The following COL10A1 variants were observed in gnomAD, a reference collection of about 807,000 sequenced individuals.
The protein encoded by COL10A1 is collagen alpha-1(X) chain.
A neutral mutation model predicts 18.2 loss-of-function variants in COL10A1; 10 were observed. That is an observed-to-expected ratio of 0.55 (90% confidence interval 0.34 to 0.93). The LOEUF (loss-of-function observed/expected upper bound fraction) is 0.93, where lower values mean the gene tolerates loss of function less well. Ranked by LOEUF, COL10A1 falls within the 40% of genes least tolerant of loss-of-function variation. The probability of loss-of-function intolerance (pLI) is 0.02; values close to 1 mark genes in which losing one functional copy is unlikely to be tolerated. For missense variants in COL10A1, 897 were observed against 853.5 expected, an observed-to-expected ratio of 1.05 and a Z score of -0.64; for synonymous variants, 330 against 316.6, an observed-to-expected ratio of 1.04 and a Z score of -0.45.
At chr6:116,133,556 A>T (rs1779519083) in intron 1 of COL10A1, among the ~76,000 whole-genome samples, 2 of 152,186 alleles carry the variant, frequency 1.3e-5, no homozygotes, top group Non-Finnish European at 2.9e-5. Context: ...GTGGCAACAC[A>T]GACCACCAAG....
intron 1 of COL10A1, chr6:116,145,419 G>T: frequency 5.7e-6 from 2 of 353,318 alleles, no homozygotes. Flanking sequence ...AACTTTTTCT[G>T]TTCTTTATTA....
In COL10A1 at chr6:116,121,347, C is replaced by G; in HGVS notation, c.769G>C (p.Glu257Gln). ...TTTCCAATGCCTTCTGGCCCTCGTT[C>G]CCCAGGAGGGCCTTGGGGACCTGGT... Reference protein sequence around the residue: ...GPPGPQGPPGERGPEGIGKPG... With the variant: ...GPPGPQGPPGQRGPEGIGKPG... The change falls in exon 3 of 3, where the codon GAA becomes CAA. Residue 257 changes from glutamate to glutamine, a missense_variant. Glu to Gln is a conservative substitution (Grantham distance 29). Transcript: ENST00000651968. 2.5e-6 allele frequency: 4 copies of G among 1,614,000 alleles called. No homozygotes were observed. Among genetic ancestry groups the G allele is most frequent in the Non-Finnish European group, 3.4e-6 (4 of 1,179,972 alleles).
chr6:116,206,283 T>G, the COL10A1 span, among the ~76,000 whole-genome samples: 2 of 151,962 alleles, frequency 1.3e-5, no homozygotes, highest in Non-Finnish European at 2.9e-5. Context: ...AACACAAAAT[T>G]TTTACTATGT....
At chr6:116,213,209 G>T in the COL10A1 span, among the ~76,000 whole-genome samples, 1 of 152,096 alleles carries the variant, frequency 6.6e-6, no homozygotes, top group Non-Finnish European at 1.5e-5. Flanking sequence ...GTTGCAGTCA[G>T]ATGTCAGTGG....
chr6:116,187,024 C>T, the COL10A1 span, among the ~76,000 whole-genome samples: 1 of 151,978 alleles, frequency 6.6e-6, no homozygotes, highest in Non-Finnish European at 1.5e-5. Flanking sequence ...GACTCAAGGG[C>T]TACCGTTCAG....
chr6:116,134,306 T>G (rs1396092172), intron 1 of COL10A1, among the ~76,000 whole-genome samples: 1 of 152,052 alleles, frequency 6.6e-6, no homozygotes, highest in Non-Finnish European at 1.5e-5. Flanking sequence ...TGTAGACTCA[T>G]GGAGATAAAC....
chr6:116,153,601 A>G (rs1454207837), intron 1 of COL10A1, among the ~76,000 whole-genome samples: 1 of 152,088 alleles, frequency 6.6e-6, no homozygotes, highest in Non-Finnish European at 1.5e-5. Context: ...GAATATAGTT[A>G]CCTCTATTAG....
intron 1 of COL10A1, among the ~76,000 whole-genome samples, chr6:116,155,609 A>G (rs144299782): frequency 6.6e-6 from 1 of 152,298 alleles, no homozygotes; most frequent in Non-Finnish European, 1.5e-5. Flanking sequence ...CTGCAGGTCA[A>G]TGAAATTACA....
At chr6:116,145,303 A>T (rs187017729) in intron 1 of COL10A1, 2 of 208,222 alleles carry the variant, frequency 9.6e-6, no homozygotes, top group African/African-American at 4.6e-5. Flanking sequence ...CCCTTATCAT[A>T]CGTTTTGTCA....
chr6:116,195,894 A>G, the COL10A1 span, among the ~76,000 whole-genome samples: 3,374 of 152,116 alleles, frequency 0.022, 133 homozygotes, highest in African/African-American at 0.078. Flanking sequence ...TTTAAGCCAC[A>G]AGTTGGAAAG....
chr6:116,119,976 C>G lies in COL10A1; in HGVS notation c.*97G>C. The G allele has an allele frequency of 9.1e-7, 1 of 1,103,032 alleles. No individual in the cohort carries two copies. Among genetic ancestry groups the G allele is most frequent in the Non-Finnish European group, 1.4e-6 (1 of 726,402 alleles). The allele number at this position is 1,103,032 out of a possible 1,614,324, so 68.3% of individuals were successfully genotyped here. A position where few individuals can be genotyped will look rare whatever the true frequency, so the allele number is the denominator to read the frequency against. ...TCTGTATTTCAGAAAATAAAAATTA[C>G]ATTCTTTTCAGCCTACCTCCATATG... On this transcript the variant is annotated 3_prime_UTR_variant, in exon 3 of 3. Coordinates refer to ENST00000651968, the MANE Select transcript of COL10A1 (RefSeq NM_000493.4).
rs751959880 is a variant in COL10A1, at chr6:116,120,197, G to A, written c.1919C>T (p.Ala640Val). 6.2e-7 allele frequency: 1 copy of A among 1,614,088 alleles called. No individual in the cohort carries two copies. The highest frequency in any genetic ancestry group is 1.1e-5 in the South Asian group (1 of 91,068). ...KGYLDQASGS[A>V]IIDLTENDQV... ...GTCATTTTCTGTGAGATCGATGATG[G>A]CACTCCCTGAAGCCTGATCCAGGTA... Residue 640 changes from alanine to valine, a missense_variant, in exon 3 of 3, where the codon GCC (alanine) becomes GTC (valine). Ala to Val is a moderately conservative substitution (Grantham distance 64). Transcript: ENST00000651968.
intron 1 of COL10A1, 26 bp from the exon 2 acceptor site, chr6:116,125,533 A>G (rs1325604296): frequency 1.1e-5 from 17 of 1,601,436 alleles, no homozygotes; most frequent in Non-Finnish European, 1.5e-5. Flanking sequence ...GAATAACTTT[A>G]TACAGCATTG....
intron 1 of COL10A1, among the ~76,000 whole-genome samples, chr6:116,155,829 T>C (rs1209641554): frequency 6.6e-6 from 1 of 151,942 alleles, no homozygotes; most frequent in Non-Finnish European, 1.5e-5. Context: ...ATATGTTTTT[T>C]AAAGAGCAGA....
chr6:116,210,248 A>T, the COL10A1 span, among the ~76,000 whole-genome samples: 1 of 152,002 alleles, frequency 6.6e-6, no homozygotes, highest in Non-Finnish European at 1.5e-5. Flanking sequence ...AAATAAATTT[A>T]TATGTAAGGT....
At chr6:116,197,437 G>C in the COL10A1 span, among the ~76,000 whole-genome samples, 1 of 152,090 alleles carries the variant, frequency 6.6e-6, no homozygotes, top group Admixed American at 6.5e-5. Flanking sequence ...AAGATACTGG[G>C]AAGAATCTTC....
At chr6:116,175,758 A>G in the COL10A1 span, among the ~76,000 whole-genome samples, 3 of 152,172 alleles carry the variant, frequency 2.0e-5, no homozygotes, top group Non-Finnish European at 4.4e-5. Context: ...AAAACTTTTA[A>G]TATTTCCATA....
At chr6:116,214,452 G>A in the COL10A1 span, among the ~76,000 whole-genome samples, 1 of 152,096 alleles carries the variant, frequency 6.6e-6, no homozygotes, top group African/African-American at 2.4e-5. Flanking sequence ...TGAGGACCAT[G>A]TTCTGCTAGG....
chr6:116,166,570 C>T, the COL10A1 span, among the ~76,000 whole-genome samples: 4 of 152,194 alleles, frequency 2.6e-5, no homozygotes, highest in South Asian at 4.1e-4. Context: ...CTCCTGGCAT[C>T]GATCTCCATT....
Sources: allele counts gnomAD v4.1 joint callset (sites outside exome capture counted in the v4.1 genomes callset), GRCh38; gene constraint gnomAD v4.1.1; transcripts MANE v1.5; gene names NCBI Gene and HGNC (gene_info 2026-07-23, HGNC 2026-07-21).